The following CNTN3 variants were observed in gnomAD, a reference collection of about 807,000 sequenced individuals.
CNTN3 encodes the protein contactin-3.
In CNTN3, 60 loss-of-function variants were observed where a neutral mutation model predicts 119.1. That is an observed-to-expected ratio of 0.50 (90% CI 0.41 to 0.62). The LOEUF is 0.62. CNTN3 is among the 20% of genes least tolerant of loss of function. The pLI is 0.00. For missense variants in CNTN3, 1,101 were observed against 1,242.4 expected (o/e 0.89, Z 1.71); for synonymous variants, 450 against 438.7 (o/e 1.03, Z -0.32).
At chr3:74,486,750 T>C in intron 3 of CNTN3, 119 bp from the exon 4 acceptor site, 1 of 804,136 alleles carries the variant, frequency 1.2e-6, no homozygotes, top group South Asian at 2.4e-5. Context: ...ACATATATTA[T>C]TCAAGTGTTA....
At chr3:74,447,243 T>C (rs12633966) in intron 4 of CNTN3, among the ~76,000 whole-genome samples, 1 of 152,122 alleles carries the variant, frequency 6.6e-6, no homozygotes, top group Non-Finnish European at 1.5e-5. Context: ...AGGAATACTG[T>C]TAGGAGCTGT....
chr3:74,499,325 C>T (rs901567867), intron 3 of CNTN3, among the ~76,000 whole-genome samples: 2 of 151,966 alleles, frequency 1.3e-5, no homozygotes, highest in Middle Eastern at 3.4e-3. Context: ...ACTATGATTT[C>T]AAATTAACTT....
intron 4 of CNTN3, among the ~76,000 whole-genome samples, chr3:74,457,677 A>C (rs1487429394): frequency 1.3e-5 from 2 of 152,058 alleles, no homozygotes; most frequent in African/African-American, 2.4e-5. Context: ...AAAATATTTT[A>C]AATTCAGCAT....
chr3:74,331,091 G>A (rs1703253693), intron 13 of CNTN3, among the ~76,000 whole-genome samples: 1 of 152,140 alleles, frequency 6.6e-6, no homozygotes, highest in Non-Finnish European at 1.5e-5. Flanking sequence ...TGTTTCTAAT[G>A]TTTTCAGTAG....
chr3:74,343,615 T>A (rs746731131), intron 11 of CNTN3, among the ~76,000 whole-genome samples: 1 of 152,374 alleles, frequency 6.6e-6, no homozygotes, highest in Middle Eastern at 3.4e-3. Context: ...GCAACTAACA[T>A]TGATCTTCCT....
At chr3:74,388,704 T>C (rs1278069096) in intron 5 of CNTN3, among the ~76,000 whole-genome samples, 1 of 152,152 alleles carries the variant, frequency 6.6e-6, no homozygotes, top group African/African-American at 2.4e-5. Flanking sequence ...TCCCACAAAA[T>C]TGCCTACAAG....
intron 13 of CNTN3, among the ~76,000 whole-genome samples, chr3:74,318,878 A>G (rs921623106): frequency 6.6e-6 from 1 of 152,140 alleles, no homozygotes; most frequent in Non-Finnish European, 1.5e-5. Context: ...TAGTCTCTTC[A>G]AAGCTGTCAG....
At chr3:74,286,844 C>A (rs951528434) in intron 19 of CNTN3, among the ~76,000 whole-genome samples, 5 of 152,232 alleles carry the variant, frequency 3.3e-5, no homozygotes, top group East Asian at 1.9e-4. Context: ...CTTGAGCAGT[C>A]GTGAGTGACT....
At chr3:74,406,175 G>GT (rs1705318564) in intron 5 of CNTN3, among the ~76,000 whole-genome samples, 1 of 152,066 alleles carries the variant, frequency 6.6e-6, no homozygotes, top group African/African-American at 2.4e-5. Flanking sequence ...AGGGAAAAAT[G>GT]TATCATACAA....
At chr3:74,505,180 G>T (rs941302469) in intron 2 of CNTN3, among the ~76,000 whole-genome samples, 2 of 151,918 alleles carry the variant, frequency 1.3e-5, no homozygotes, top group African/African-American at 2.4e-5. Context: ...CATTAGCAAT[G>T]ACCCTATTTT....
intron 4 of CNTN3, among the ~76,000 whole-genome samples, chr3:74,456,650 C>T (rs1216143378): frequency 6.6e-6 from 1 of 152,002 alleles, no homozygotes; most frequent in East Asian, 1.9e-4. Flanking sequence ...AAGCAAACTG[C>T]CTAAAACAAA....
chr3:74,453,127 C>T (rs530965669), intron 4 of CNTN3, among the ~76,000 whole-genome samples: 1 of 152,170 alleles, frequency 6.6e-6, no homozygotes, highest in South Asian at 2.1e-4. Flanking sequence ...CAGAATTCGG[C>T]TGTGAATCCA....
intron 1 of CNTN3, among the ~76,000 whole-genome samples, chr3:74,524,007 C>A (rs544268743): frequency 2.6e-5 from 4 of 151,820 alleles, no homozygotes; most frequent in African/African-American, 9.7e-5. Flanking sequence ...TTGCACCGGA[C>A]ATCAAGTGAG....
intron 1 of CNTN3, among the ~76,000 whole-genome samples, chr3:74,580,468 T>G (rs890904073): frequency 1.1e-4 from 16 of 152,046 alleles, no homozygotes; most frequent in Non-Finnish European, 2.1e-4. Context: ...AAGAAAAAAT[T>G]TTTAAGTCCC....
intron 13 of CNTN3, among the ~76,000 whole-genome samples, chr3:74,323,755 G>T (rs538934): frequency 0.28 from 42,701 of 151,626 alleles, 6,740 homozygotes; most frequent in East Asian, 0.72. Flanking sequence ...TTGACTTCAG[G>T]CTCCTTTTGC....
At chr3:74,465,408 A>C (rs1283865696) in intron 4 of CNTN3, among the ~76,000 whole-genome samples, 2 of 152,282 alleles carry the variant, frequency 1.3e-5, no homozygotes, top group South Asian at 4.1e-4. Flanking sequence ...AACAAAAACA[A>C]ATAAACAAAA....
At chr3:74,433,562 C>A (rs976176213) in intron 4 of CNTN3, among the ~76,000 whole-genome samples, 3 of 152,170 alleles carry the variant, frequency 2.0e-5, no homozygotes, top group African/African-American at 7.2e-5. Context: ...AATGCAGGCA[C>A]AGGGTGGACC....
At chr3:74,399,337 C>T (rs964893654) in intron 5 of CNTN3, among the ~76,000 whole-genome samples, 1 of 152,048 alleles carries the variant, frequency 6.6e-6, no homozygotes, top group Non-Finnish European at 1.5e-5. Flanking sequence ...TTGTTCCCCC[C>T]ATCCATGTGA....
At chr3:74,527,017 A>G (rs926750546) in intron 1 of CNTN3, among the ~76,000 whole-genome samples, 6 of 151,876 alleles carry the variant, frequency 4.0e-5, no homozygotes, top group Admixed American at 1.3e-4. Context: ...TGTGTACTCT[A>G]TGCTTTATTA....
Sources: allele counts gnomAD v4.1 joint callset (sites outside exome capture counted in the v4.1 genomes callset), GRCh38; gene constraint gnomAD v4.1.1; transcripts MANE v1.5; gene names NCBI Gene and HGNC (gene_info 2026-07-23, HGNC 2026-07-21).